The following TULP4 variants were observed in gnomAD, a reference collection of about 807,000 sequenced individuals.
The protein encoded by TULP4 is TUB like protein 4.
In TULP4, 16 loss-of-function variants were observed where a neutral mutation model predicts 129.0. The observed-to-expected ratio is 0.12, with a 90% CI of 0.08 to 0.19. TULP4 has a LOEUF of 0.19. Among genes scored for constraint, TULP4 ranks in the 10% least tolerant of loss-of-function variants. The pLI is 1.00. For missense variants in TULP4, 1,842 were observed against 2,059.1 expected (o/e 0.89, Z 2.04); for synonymous variants, 998 against 854.0 (o/e 1.17, Z -2.94).
chr6:158,248,013 A>T (rs1220293758), intron 1 of TULP4, among the ~76,000 whole-genome samples: 3 of 152,246 alleles, frequency 2.0e-5, no homozygotes, highest in Non-Finnish European at 2.9e-5. Flanking sequence ...TATCATAAGA[A>T]GTTAGGCTTC....
intron 1 of TULP4, among the ~76,000 whole-genome samples, chr6:158,369,655 G>A (rs1265429391): frequency 1.3e-5 from 2 of 152,170 alleles, no homozygotes; most frequent in African/African-American, 4.8e-5. Flanking sequence ...GAAGTGGTGT[G>A]TTTTTAAAAG....
At chr6:158,280,869 C>T (rs190110245), upstream of TULP4, among the ~76,000 whole-genome samples, 1 of 152,212 alleles carries the variant, frequency 6.6e-6, no homozygotes, top group Non-Finnish European at 1.5e-5. Context: ...CAAGTGTTTG[C>T]ACAGTGAATG....
At chr6:158,265,898 G>C (rs1778437159) in intron 1 of TULP4, among the ~76,000 whole-genome samples, 1 of 152,196 alleles carries the variant, frequency 6.6e-6, no homozygotes, top group African/African-American at 2.4e-5. Context: ...AGGATGCCAT[G>C]AATGGAGAAA....
In TULP4 at chr6:158,367,104, C is replaced by A. The variant is rs190702239; in HGVS notation, c.253-45961C>A. 1.4e-4 allele frequency among the ~76,000 whole-genome samples: 21 copies of A among 152,210 alleles called. No individual in the cohort carries two copies. The East Asian group carries it at 3.5e-3, about 25-fold the overall frequency. On this transcript the variant is annotated intron_variant, in intron 1 of 13. Coordinates refer to ENST00000367097, the MANE Select transcript of TULP4 (RefSeq NM_020245.5). ...CTTTGGGTCCTGTTGGCTCCAAGAC[C>A]ACATCCATGGGAATGGAGTTGGCCA...
At chr6:158,440,767 T>G (rs555973672) in intron 3 of TULP4, among the ~76,000 whole-genome samples, 1 of 152,246 alleles carries the variant, frequency 6.6e-6, no homozygotes, top group African/African-American at 2.4e-5. Context: ...TTTTTAGTTA[T>G]TTCTTTTTGC....
At chr6:158,423,505 C>T (rs1778401807) in intron 2 of TULP4, among the ~76,000 whole-genome samples, 1 of 152,184 alleles carries the variant, frequency 6.6e-6, no homozygotes, top group Non-Finnish European at 1.5e-5. Flanking sequence ...CTGATTTGAT[C>T]ATTATACTAT....
intron 9 of TULP4, among the ~76,000 whole-genome samples, chr6:158,492,877 C>T (rs1780248377): frequency 6.6e-6 from 1 of 152,142 alleles, no homozygotes; most frequent in South Asian, 2.1e-4. Flanking sequence ...AATAAAGGGA[C>T]TGAGAAGCAG....
upstream of TULP4, among the ~76,000 whole-genome samples, chr6:158,280,675 T>C (rs1421041524): frequency 6.6e-6 from 1 of 152,230 alleles, no homozygotes; most frequent in Non-Finnish European, 1.5e-5. Context: ...GGGTGATTAA[T>C]TGAAGATATG....
At chr6:158,378,487 G>C (rs796070088) in intron 1 of TULP4, among the ~76,000 whole-genome samples, 13 of 31,456 alleles carry the variant, frequency 4.1e-4, no homozygotes, top group African/African-American at 3.3e-3. Context: ...TTTTTTTTTG[G>C]TGGGGGTGGG....
At chr6:158,499,271 C>G (rs564004632) in intron 12 of TULP4, among the ~76,000 whole-genome samples, 3 of 152,316 alleles carry the variant, frequency 2.0e-5, no homozygotes, top group Admixed American at 1.3e-4. Flanking sequence ...AGCCCAGTTT[C>G]TCAAATCTGC....
chr6:158,429,989 G>T, intron 3 of TULP4, 92 bp downstream of exon 3: 1 of 1,231,132 alleles, frequency 8.1e-7, no homozygotes, highest in Non-Finnish European at 1.1e-6. Flanking sequence ...TGGTGCAAAA[G>T]CCTCTTTAAG....
At chr6:158,445,818 G>T (rs1182109755) in intron 3 of TULP4, among the ~76,000 whole-genome samples, 1 of 152,188 alleles carries the variant, frequency 6.6e-6, no homozygotes, top group Non-Finnish European at 1.5e-5. Context: ...ACATCTTGGG[G>T]AGATGGCAGG....
At chr6:158,336,889 A>C (rs1780046700) in intron 1 of TULP4, among the ~76,000 whole-genome samples, 1 of 152,052 alleles carries the variant, frequency 6.6e-6, no homozygotes, top group Non-Finnish European at 1.5e-5. Context: ...ATTTTGTTTA[A>C]GATGTTTTCT....
At chr6:158,274,593 G>A (rs374283480) in intron 1 of TULP4, among the ~76,000 whole-genome samples, 13 of 152,202 alleles carry the variant, frequency 8.5e-5, no homozygotes, top group South Asian at 8.3e-4. Context: ...TGGCTAACAC[G>A]TTGAAACCCT....
chr6:158,295,895 GA>G, intron 1 of TULP4, among the ~76,000 whole-genome samples: 1 of 151,832 alleles, frequency 6.6e-6, no homozygotes. Context: ...CGTCTCAAAA[GA>G]AAAAAAGAAA....
At chr6:158,385,598 A>C (rs1333142729) in intron 1 of TULP4, among the ~76,000 whole-genome samples, 1 of 151,108 alleles carries the variant, frequency 6.6e-6, no homozygotes, top group Non-Finnish European at 1.5e-5. Flanking sequence ...CAGTATGTAC[A>C]TATGTACACA....
intron 6 of TULP4, among the ~76,000 whole-genome samples, chr6:158,462,760 TTTTTTTG>T (rs1779463409): frequency 6.7e-6 from 1 of 148,554 alleles, no homozygotes; most frequent in Admixed American, 6.7e-5. Flanking sequence ...TTTTTTTTTT[TTTTTTTG>T]AATTGGAGTT....
chr6:158,414,365 G>A (rs543421415), intron 2 of TULP4, among the ~76,000 whole-genome samples: 16 of 98,428 alleles, frequency 1.6e-4, no homozygotes, highest in African/African-American at 4.1e-4. Context: ...ATCAGACAAT[G>A]TAGGCCGGAA....
intron 1 of TULP4, among the ~76,000 whole-genome samples, chr6:158,301,735 A>G (rs768447318): frequency 6.6e-6 from 1 of 152,198 alleles, no homozygotes; most frequent in Non-Finnish European, 1.5e-5. Flanking sequence ...ACCCTAGACA[A>G]CTGGGCAGTT....
Sources: allele counts gnomAD v4.1 joint callset (sites outside exome capture counted in the v4.1 genomes callset), GRCh38; gene constraint gnomAD v4.1.1; transcripts MANE v1.5; gene names NCBI Gene and HGNC (gene_info 2026-07-23, HGNC 2026-07-21).